GRID1: variants seen among roughly 807,000 people sequenced by gnomAD.
GRID1 encodes glutamate ionotropic receptor delta type subunit 1.
A neutral mutation model predicts 98.0 loss-of-function variants in GRID1; 28 were observed. That is an observed-to-expected ratio of 0.29 (90% CI 0.21 to 0.39). The LOEUF (loss-of-function observed/expected upper bound fraction) is 0.39. GRID1 is among the 10% of genes least tolerant of loss of function. The pLI is 1.00. For synonymous variants in GRID1, 553 were observed against 538.5 expected, an observed-to-expected ratio of 1.03 and a Z score of -0.37; for missense variants, 1,111 against 1,340.5, an observed-to-expected ratio of 0.83 and a Z score of 2.67.
rs763017712 is a variant in GRID1, at chr10:85,619,945, A to T, written c.2282T>A (p.Ile761Asn). 1 of 1,614,170 alleles carries T rather than the reference A, an allele frequency of 6.2e-7. No individual in the cohort carries two copies. Among genetic ancestry groups the T allele is most frequent in the Non-Finnish European group, 8.5e-7 (1 of 1,180,016 alleles). Residue 761 changes from isoleucine (I) to asparagine (N), a missense_variant, in exon 14 of 16, where the codon ATC (isoleucine) becomes AAC (asparagine). Ile to Asn is a moderately radical substitution (Grantham distance 149, BLOSUM62 -3). Transcript: ENST00000327946. ...LTDDDCSVTV[I>N]GNSISSKGYG... Reference sequence around the variant, plus strand: ...ACCCTTGCTGCTGATGCTGTTGCCGATGACAGTCACCGAGCAGTCGTCATC... The same window carrying T: ...ACCCTTGCTGCTGATGCTGTTGCCGTTGACAGTCACCGAGCAGTCGTCATC...
chr10:86,246,909 T>A (rs1039564336), intron 2 of GRID1, among the ~76,000 whole-genome samples: 1 of 152,228 alleles, frequency 6.6e-6, no homozygotes, highest in Non-Finnish European at 1.5e-5. Flanking sequence ...CTTGGACAGC[T>A]CACCAAGCTC....
At chr10:85,635,030 A>AAAAAAAAAAAAAAAAAAAAAAAC (rs1843020424) in intron 13 of GRID1, among the ~76,000 whole-genome samples, 1 of 140,848 alleles carries the variant, frequency 7.1e-6, no homozygotes, top group African/African-American at 2.6e-5. Context: ...AAAAAAAAAA[A>AAAAAAAAAAAAAAAAAAAAAAAC]AAAAATCAGA....
At chr10:85,778,866 G>C (rs996217391) in intron 8 of GRID1, among the ~76,000 whole-genome samples, 1 of 152,090 alleles carries the variant, frequency 6.6e-6, no homozygotes, top group Admixed American at 6.5e-5. Flanking sequence ...TGCAAAATGG[G>C]GCCAATATCA....
At chr10:86,324,206 A>G (rs1000885653) in intron 2 of GRID1, among the ~76,000 whole-genome samples, 4 of 152,122 alleles carry the variant, frequency 2.6e-5, no homozygotes, top group Admixed American at 2.6e-4. Context: ...TTTATTAACT[A>G]TTAAAATTTG....
intron 13 of GRID1, among the ~76,000 whole-genome samples, chr10:85,630,798 TG>T (rs1444828064): frequency 6.6e-6 from 1 of 152,184 alleles, no homozygotes; most frequent in African/African-American, 2.4e-5. Context: ...AGGTCCAAAA[TG>T]CTATGTTTTA....
intron 2 of GRID1, among the ~76,000 whole-genome samples, chr10:86,349,785 G>A (rs762276671): frequency 3.2e-4 from 49 of 152,156 alleles, no homozygotes; most frequent in Non-Finnish European, 6.3e-4. Flanking sequence ...CCTCCATCCT[G>A]TTGCCCATCC....
intron 4 of GRID1, among the ~76,000 whole-genome samples, chr10:86,070,785 C>T (rs1442511696): frequency 6.6e-6 from 1 of 152,218 alleles, no homozygotes; most frequent in East Asian, 1.9e-4. Context: ...CTGAGCTAGG[C>T]CCAGCTGATA....
intron 13 of GRID1, among the ~76,000 whole-genome samples, chr10:85,628,488 G>A (rs970765707): frequency 2.4e-4 from 36 of 152,206 alleles, no homozygotes; most frequent in African/African-American, 7.7e-4. Flanking sequence ...CCAAGCTGCT[G>A]GAGAACCATG....
rs1842557869 is a variant in GRID1, at chr10:85,600,389, G to C, written c.*1884C>G. On this transcript the variant is annotated 3_prime_UTR_variant, in exon 16 of 16. Coordinates refer to ENST00000327946, the MANE Select transcript of GRID1 (RefSeq NM_017551.3). ...TTCCCCACAGTGCTTTTAGCTGACT[G>C]TGTGATTTGGCCGTTCTTTACTGCT... 6.6e-6 allele frequency: 1 copy of C among 152,178 alleles called. No homozygotes were observed. The highest frequency in any genetic ancestry group is 2.4e-5 in the African/African-American group (1 of 41,452). The allele number at this position is 152,178 out of a possible 1,614,324, so 9.4% of individuals were successfully genotyped here.
chr10:86,307,729 A>T (rs532473419), intron 2 of GRID1, among the ~76,000 whole-genome samples: 34 of 152,158 alleles, frequency 2.2e-4, no homozygotes, highest in Non-Finnish European at 4.9e-4. Flanking sequence ...TGAGGTGATG[A>T]TATGTTCATT....
chr10:86,356,880 C>T (rs1848540267), intron 2 of GRID1, among the ~76,000 whole-genome samples: 1 of 152,178 alleles, frequency 6.6e-6, no homozygotes, highest in Non-Finnish European at 1.5e-5. Flanking sequence ...ACAGCATTTC[C>T]TGGGCAGTAG....
chr10:85,640,890 C>T (rs1843108689), intron 13 of GRID1, among the ~76,000 whole-genome samples: 1 of 152,194 alleles, frequency 6.6e-6, no homozygotes, highest in Admixed American at 6.5e-5. Flanking sequence ...CACTTTATGA[C>T]TTCAGCTATA....
At chr10:86,194,524 C>T (rs1589406011) in intron 3 of GRID1, among the ~76,000 whole-genome samples, 2 of 152,114 alleles carry the variant, frequency 1.3e-5, no homozygotes, top group Non-Finnish European at 2.9e-5. Flanking sequence ...GAGAGGAAGG[C>T]AGATAGGTGG....
chr10:86,237,814 T>C (rs1400564376), intron 2 of GRID1, among the ~76,000 whole-genome samples: 1 of 152,164 alleles, frequency 6.6e-6, no homozygotes, highest in Non-Finnish European at 1.5e-5. Flanking sequence ...AGGCCTACCT[T>C]AGTCATGCTT....
At chr10:85,700,715 C>T (rs2132621847) in intron 12 of GRID1, among the ~76,000 whole-genome samples, 1 of 152,262 alleles carries the variant, frequency 6.6e-6, no homozygotes, top group South Asian at 2.1e-4. Flanking sequence ...ATATTCCCTC[C>T]TCAATGAACA....
chr10:86,004,740 T>TCACACACA (rs201671134), intron 4 of GRID1, among the ~76,000 whole-genome samples: 2 of 94,268 alleles, frequency 2.1e-5, no homozygotes, highest in East Asian at 3.1e-4. Flanking sequence ...ACACACACAC[T>TCACACACA]CACACACACA....
intron 5 of GRID1, among the ~76,000 whole-genome samples, chr10:85,901,467 C>G (rs1428590170): frequency 6.6e-6 from 1 of 152,086 alleles, no homozygotes; most frequent in African/African-American, 2.4e-5. Context: ...CCAGGATGGT[C>G]TCAATCTCCT....
intron 4 of GRID1, among the ~76,000 whole-genome samples, chr10:86,090,829 GA>G (rs1255504677): frequency 6.6e-6 from 1 of 152,210 alleles, no homozygotes; most frequent in Non-Finnish European, 1.5e-5. Context: ...CCCAACTCCA[GA>G]AGTGGGAAAG....
intron 4 of GRID1, among the ~76,000 whole-genome samples, chr10:86,107,951 T>A (rs1043838192): frequency 6.6e-6 from 1 of 152,170 alleles, no homozygotes; most frequent in Admixed American, 6.5e-5. Flanking sequence ...CAAGCCCACG[T>A]GTGATCCAAT....
Sources: allele counts gnomAD v4.1 joint callset (sites outside exome capture counted in the v4.1 genomes callset), GRCh38; gene constraint gnomAD v4.1.1; transcripts MANE v1.5; gene names NCBI Gene and HGNC (gene_info 2026-07-23, HGNC 2026-07-21).